TRIM49C: variants seen among roughly 807,000 people sequenced by gnomAD.
The protein encoded by TRIM49C is tripartite motif containing 49C, also known as tripartite motif-containing protein 49C.
A neutral mutation model predicts 21.4 loss-of-function variants in TRIM49C; 6 were observed. That is an observed-to-expected ratio of 0.28 (90% CI 0.15 to 0.55). The LOEUF (loss-of-function observed/expected upper bound fraction) is 0.55, where lower values mean the gene tolerates loss of function less well. TRIM49C is among the 20% of genes least tolerant of loss of function. TRIM49C has a pLI of 0.94. For synonymous variants in TRIM49C, 57 were observed against 148.1 expected, an observed-to-expected ratio of 0.38 and a Z score of 4.47; for missense variants, 161 against 442.4, an observed-to-expected ratio of 0.36 and a Z score of 5.71.
the TRIM49C span, chr11:90,051,851 T>A: frequency 1.2e-5 from 5 of 404,556 alleles, no homozygotes; most frequent in East Asian, 2.5e-4. Flanking sequence ...GTCCTCTTCT[T>A]CCAGGGCAGC....
the TRIM49C span, among the ~76,000 whole-genome samples, chr11:90,048,034 G>A: frequency 1.8e-5 from 2 of 108,416 alleles, no homozygotes; most frequent in African/African-American, 7.8e-5. Context: ...ATGAAGCTTA[G>A]TTTGGCTGGA....
the TRIM49C span, among the ~76,000 whole-genome samples, chr11:90,066,274 C>T: frequency 2.2e-5 from 3 of 137,746 alleles, 1 homozygote; most frequent in South Asian, 7.5e-4. Flanking sequence ...CCCACCTCGG[C>T]CTCCCAAAGT....
chr11:90,034,205 C>A (rs1196184883), intron 2 of TRIM49C, among the ~76,000 whole-genome samples: 1 of 114,930 alleles, frequency 8.7e-6, no homozygotes, highest in Non-Finnish European at 1.6e-5. Flanking sequence ...CTTTTTTCTG[C>A]CTTTTTCTTT....
chr11:90,046,282 T>A (rs1341716345), downstream of TRIM49C, among the ~76,000 whole-genome samples: 1 of 125,806 alleles, frequency 7.9e-6, no homozygotes, highest in Non-Finnish European at 1.6e-5. Context: ...ATCAGGATGA[T>A]GCTGGCCTCA....
chr11:90,048,993 C>A, the TRIM49C span, among the ~76,000 whole-genome samples: 1 of 127,194 alleles, frequency 7.9e-6, no homozygotes, highest in African/African-American at 3.2e-5. Context: ...CAGTCAGGAC[C>A]CTCAGCTGCA....
the TRIM49C span, among the ~76,000 whole-genome samples, chr11:90,058,480 T>C: frequency 7.7e-6 from 1 of 129,346 alleles, no homozygotes; most frequent in African/African-American, 2.8e-5. Flanking sequence ...TTTATTGGAA[T>C]GTAAGTTATG....
chr11:90,067,735 T>C, the TRIM49C span, among the ~76,000 whole-genome samples: 1 of 139,158 alleles, frequency 7.2e-6, no homozygotes, highest in Non-Finnish European at 1.6e-5. Flanking sequence ...ATGTGTATAC[T>C]GTATTTTTAC....
In TRIM49C at chr11:90,041,349, C is replaced by T. The variant is rs1950769032; in HGVS notation, c.1158C>T (p.Asp386=). 3 of 1,589,898 alleles carry T rather than the reference C, an allele frequency of 1.9e-6. 1 individual carries two copies. Among genetic ancestry groups the T allele is most frequent in the Non-Finnish European group, 1.7e-6 (2 of 1,164,982 alleles). The change falls in exon 8 of 8, where the codon GAC becomes GAT. Residue 386 remains aspartate (D), a synonymous_variant. Transcript: ENST00000448984. ...GLFLLGCIKN[D]IQCSLFTTSP... ...TTCTTCTTGGGTGTATTAAGAATGA[C>T]ATTCAATGCAGTCTCTTTACCACCT... is the stretch of plus-strand genomic sequence containing the variant.
At chr11:90,039,260 G>A (rs1454699411) in intron 6 of TRIM49C, among the ~76,000 whole-genome samples, 1 of 127,822 alleles carries the variant, frequency 7.8e-6, no homozygotes, top group Non-Finnish European at 1.6e-5. Flanking sequence ...ACAGGAGAAA[G>A]ATAAGAGTTT....
At chr11:90,049,810 T>C in the TRIM49C span, 7,193 of 127,436 alleles carry the variant, frequency 0.056, 1,359 homozygotes, top group Non-Finnish European at 0.07. Flanking sequence ...ATCCAGTACC[T>C]CTGTTGGAAA....
At chr11:90,059,907 C>CTTT in the TRIM49C span, among the ~76,000 whole-genome samples, 1 of 128,894 alleles carries the variant, frequency 7.8e-6, no homozygotes. Flanking sequence ...CTCCCTCTGT[C>CTTT]TTTTTTTTTT....
chr11:90,057,987 T>C, the TRIM49C span: 1 of 1,517,574 alleles, frequency 6.6e-7, no homozygotes, highest in East Asian at 2.5e-5. Flanking sequence ...GTCCACTCCC[T>C]GGGGATCCGT....
chr11:90,072,478 G>A, the TRIM49C span, among the ~76,000 whole-genome samples: 2 of 142,364 alleles, frequency 1.4e-5, no homozygotes, highest in Non-Finnish European at 3.1e-5. Flanking sequence ...TCTAGTTTAA[G>A]TGGCAGATTA....
intron 7 of TRIM49C, among the ~76,000 whole-genome samples, 191 bp from the exon 8 acceptor site, chr11:90,040,859 AC>A (rs1950762316): frequency 6.8e-6 from 1 of 146,198 alleles, no homozygotes; most frequent in Non-Finnish European, 1.5e-5. Context: ...CAAAAAAAAA[AC>A]ATAATATCTG....
At chr11:90,066,283 G>C in the TRIM49C span, among the ~76,000 whole-genome samples, 1 of 138,036 alleles carries the variant, frequency 7.2e-6, no homozygotes. Flanking sequence ...GCCTCCCAAA[G>C]TGCTGGGATT....
chr11:90,062,586 C>T, the TRIM49C span: 51 of 1,448,872 alleles, frequency 3.5e-5, no homozygotes, highest in South Asian at 5.3e-4. Context: ...AGAGGCATCA[C>T]GTACCCTGCA....
At chr11:90,066,147 A>G in the TRIM49C span, among the ~76,000 whole-genome samples, 1 of 135,970 alleles carries the variant, frequency 7.4e-6, no homozygotes, top group Non-Finnish European at 1.6e-5. Flanking sequence ...CAGCCTCCCA[A>G]GTAGCTGGGA....
the TRIM49C span, among the ~76,000 whole-genome samples, chr11:90,049,465 C>G: frequency 1.5e-5 from 1 of 64,774 alleles, no homozygotes; most frequent in African/African-American, 7.0e-5. Flanking sequence ...TGGCAGGCGC[C>G]CCTCCCCCAG....
the TRIM49C span, among the ~76,000 whole-genome samples, chr11:90,060,458 G>A: frequency 1.3e-4 from 20 of 152,342 alleles, no homozygotes; most frequent in South Asian, 3.9e-3. Flanking sequence ...TCATCAGTGG[G>A]CATTAAGAAG....
Sources: allele counts gnomAD v4.1 joint callset (sites outside exome capture counted in the v4.1 genomes callset), GRCh38; gene constraint gnomAD v4.1.1; transcripts MANE v1.5; gene names NCBI Gene and HGNC (gene_info 2026-07-23, HGNC 2026-07-21).